Variants in RERE observed in about 807,000 individuals in gnomAD.
RERE encodes arginine-glutamic acid dipeptide repeats.
RERE carries 40 observed loss-of-function variants against 146.1 expected under a neutral mutation model. The observed-to-expected ratio is 0.27, with a 90% CI of 0.21 to 0.36. The LOEUF (loss-of-function observed/expected upper bound fraction) is 0.36, where lower values mean the gene tolerates loss of function less well. Among genes scored for constraint, RERE ranks in the 10% least tolerant of loss-of-function variants. The pLI, the probability that RERE is intolerant of heterozygous loss-of-function variation, is 1.00. For synonymous variants in RERE, 1,003 were observed against 866.0 expected (o/e 1.16, Z -2.78); for missense variants, 1,933 against 2,138.7 (o/e 0.90, Z 1.90).
At chr1:8,702,661 G>C (rs1390192738) in intron 1 of RERE, among the ~76,000 whole-genome samples, 2 of 152,080 alleles carry the variant, frequency 1.3e-5, no homozygotes, top group African/African-American at 2.4e-5. Flanking sequence ...TGAAGTTTCT[G>C]ATCAAAGAGC....
At chr1:8,436,217 G>A (rs1234708847) in intron 11 of RERE, among the ~76,000 whole-genome samples, 1 of 152,202 alleles carries the variant, frequency 6.6e-6, no homozygotes, top group African/African-American at 2.4e-5. Context: ...TCCTTGGGAG[G>A]CTGAGGCAGG....
rs374448457 is a variant in RERE, at chr1:8,374,408, A to G, written c.1285-8434T>C. ...ACTACATTTACCACTCCATTTGTAC[A>G]GTGCAAAGGAACTGCAATAGCTCAA... is the stretch of plus-strand genomic sequence containing the variant. On this transcript the variant is annotated intron_variant, in intron 12 of 22. Coordinates refer to ENST00000400908, the MANE Select transcript of RERE (RefSeq NM_001042681.2). 2.0e-5 allele frequency among the ~76,000 whole-genome samples: 3 copies of G among 152,200 alleles called. No individual in the cohort carries two copies. The East Asian group carries it at 5.8e-4, about 29-fold the overall frequency.
At chr1:8,493,507 A>G (rs1199761379) in intron 10 of RERE, among the ~76,000 whole-genome samples, 1 of 152,232 alleles carries the variant, frequency 6.6e-6, no homozygotes, top group Non-Finnish European at 1.5e-5. Context: ...AAAATCAGCC[A>G]TATCACGCAG....
intron 4 of RERE, among the ~76,000 whole-genome samples, chr1:8,604,590 AAGGAAGGAAGGGAGGG>A (rs1328730963): frequency 1.2e-5 from 1 of 84,440 alleles, no homozygotes; most frequent in African/African-American, 5.6e-5. Context: ...GGAAGGAAGG[AAGGAAGGAAGGGAGGG>A]AGGGAGGGAG....
At chr1:8,488,258 T>A (rs916811809) in intron 10 of RERE, among the ~76,000 whole-genome samples, 6 of 152,148 alleles carry the variant, frequency 3.9e-5, no homozygotes, top group African/African-American at 9.7e-5. Context: ...TATTATTATT[T>A]TTTTGAGACA....
At chr1:8,495,879 A>C (rs1386073061) in intron 9 of RERE, among the ~76,000 whole-genome samples, 1 of 152,154 alleles carries the variant, frequency 6.6e-6, no homozygotes, top group Non-Finnish European at 1.5e-5. Context: ...GGTGAATTAA[A>C]AGTAAAAAAT....
Position 8,450,195 on chromosome 1 carries a change from T to C in RERE, c.1203+15730A>G, listed in dbSNP as rs76338778. On this transcript the variant is annotated intron_variant, in intron 11 of 22. Transcript: ENST00000400908. ...CAGGAATATATTCTACAGCCAACAC[T>C]TGAATCTGCGATCTTAGTCTACATA... Among the ~76,000 whole-genome samples the C allele has an allele frequency of 7.0e-3, 1,067 of 152,216 alleles. 9 individuals are homozygous for C. The highest frequency in any genetic ancestry group is 0.024 in the African/African-American group (979 of 41,514).
At chr1:8,446,332 A>G (rs1329005193) in intron 11 of RERE, among the ~76,000 whole-genome samples, 4 of 151,994 alleles carry the variant, frequency 2.6e-5, no homozygotes, top group Admixed American at 2.0e-4. Context: ...TCTGAAGATT[A>G]CGTGTCTTGG....
intron 7 of RERE, among the ~76,000 whole-genome samples, chr1:8,513,393 C>T (rs1391598655): frequency 2.0e-5 from 3 of 152,174 alleles, no homozygotes; most frequent in African/African-American, 7.2e-5. Flanking sequence ...CTCCTATCTA[C>T]TTTTGAATTC....
At chr1:8,572,768 TA>T in intron 4 of RERE, among the ~76,000 whole-genome samples, 1 of 152,330 alleles carries the variant, frequency 6.6e-6, no homozygotes, top group South Asian at 2.1e-4. Context: ...CCCTCTCCTC[TA>T]AAATGTCCAA....
Position 8,552,122 on chromosome 1 carries a change from T to C in RERE, c.725+4353A>G, listed in dbSNP as rs967850056. 8.5e-5 allele frequency among the ~76,000 whole-genome samples: 13 copies of C among 152,232 alleles called. 1 individual carries two copies. In the South Asian group the frequency reaches 2.3e-3, roughly 27 times the overall value. On this transcript the variant is annotated intron_variant, in intron 6 of 22. Transcript: ENST00000400908. ...ACAACTGCGAAGGGCTCAGATTTTC[T>C]TATAGGAAGAAACTCTGGTAGGAAA...
At chr1:8,680,918 CA>C (rs1638950673) in intron 1 of RERE, among the ~76,000 whole-genome samples, 1 of 152,174 alleles carries the variant, frequency 6.6e-6, no homozygotes, top group Admixed American at 6.5e-5. Context: ...TAATATGGGT[CA>C]ATCTCGCAGG....
rs72866015 is a variant in RERE, at chr1:8,392,984, T to C, written c.1285-27010A>G. On this transcript the variant is annotated intron_variant, in intron 12 of 22. Coordinates refer to ENST00000400908, the MANE Select transcript of RERE (RefSeq NM_001042681.2). ...GACGGTGGAAAATATAGTTGGATACTACCCAATGAAGATGTGCACCAAAAT... is the reference window on the plus strand; with the variant it reads ...GACGGTGGAAAATATAGTTGGATACCACCCAATGAAGATGTGCACCAAAAT... Among the ~76,000 whole-genome samples the C allele has an allele frequency of 1.4e-3, 216 of 152,274 alleles. 1 individual carries two copies. The highest frequency in any genetic ancestry group is 5.0e-3 in the African/African-American group (206 of 41,540).
chr1:8,529,287 C>CTTCTTTTTTTTTTTTTTTTTTTTT (rs1382281413), intron 7 of RERE, among the ~76,000 whole-genome samples: 1 of 102,446 alleles, frequency 9.8e-6, no homozygotes, highest in African/African-American at 3.8e-5. Context: ...GTTCTCCCTT[C>CTTCTTTTTTTTTTTTTTTTTTTTT]TTTTTTTTTT....
intron 12 of RERE, among the ~76,000 whole-genome samples, chr1:8,406,807 T>TA (rs5772323): frequency 0.82 from 123,853 of 151,950 alleles, 50,706 homozygotes; most frequent in East Asian, 0.95. Flanking sequence ...GTGAGGATCT[T>TA]AAAAAACCTA....
chr1:8,577,786 G>GTATAAA (rs1248038796), intron 4 of RERE, among the ~76,000 whole-genome samples: 2 of 152,142 alleles, frequency 1.3e-5, no homozygotes, highest in Admixed American at 6.5e-5. Context: ...CGCTGAGGCT[G>GTATAAA]GACATGCACT....
At chr1:8,637,771 A>C (rs1647120484) in intron 2 of RERE, among the ~76,000 whole-genome samples, 1 of 152,206 alleles carries the variant, frequency 6.6e-6, no homozygotes, top group Non-Finnish European at 1.5e-5. Flanking sequence ...AAGTTACATA[A>C]GGACATTTCT....
intron 1 of RERE, among the ~76,000 whole-genome samples, chr1:8,678,217 C>T (rs1557475823): frequency 6.6e-6 from 1 of 152,120 alleles, no homozygotes; most frequent in Admixed American, 6.5e-5. Context: ...TTTCATTTTT[C>T]ATTATTCACT....
intron 8 of RERE, among the ~76,000 whole-genome samples, chr1:8,502,328 G>T (rs1645180207): frequency 1.7e-5 from 2 of 115,730 alleles, no homozygotes; most frequent in Non-Finnish European, 3.6e-5. Context: ...CCCCGTCCGG[G>T]AGGGTGGTGG....
Sources: allele counts gnomAD v4.1 joint callset (sites outside exome capture counted in the v4.1 genomes callset), GRCh38; gene constraint gnomAD v4.1.1; transcripts MANE v1.5; gene names NCBI Gene and HGNC (gene_info 2026-07-23, HGNC 2026-07-21).